Variants in ELL observed in about 807,000 individuals in gnomAD.
ELL encodes the protein RNA polymerase II elongation factor ELL.
A neutral mutation model predicts 64.0 loss-of-function variants in ELL; 18 were observed. The ratio of observed to expected loss-of-function variants is 0.28; its 90% CI spans 0.19 to 0.42. ELL has a LOEUF of 0.42. Ranked by LOEUF, ELL falls within the 10% of genes least tolerant of loss-of-function variation. The pLI, the probability that ELL is intolerant of heterozygous loss-of-function variation, is 1.00. For synonymous variants in ELL, 399 were observed against 376.2 expected, an observed-to-expected ratio of 1.06 and a Z score of -0.70; for missense variants, 797 against 870.4, an observed-to-expected ratio of 0.92 and a Z score of 1.06.
chr19:18,481,010 G>A (rs1378321571), intron 1 of ELL, among the ~76,000 whole-genome samples: 2 of 152,170 alleles, frequency 1.3e-5, no homozygotes, highest in Non-Finnish European at 2.9e-5. Flanking sequence ...AAATCTTGTA[G>A]ACAAAAATAT....
chr19:18,455,456 C>T (rs1226378144), intron 6 of ELL, among the ~76,000 whole-genome samples: 1 of 150,618 alleles, frequency 6.6e-6, no homozygotes, highest in Non-Finnish European at 1.5e-5. Context: ...TGCCACTGCA[C>T]TCCAGCCTGC....
At chr19:18,515,582 C>A (rs1976109712) in intron 1 of ELL, among the ~76,000 whole-genome samples, 1 of 152,258 alleles carries the variant, frequency 6.6e-6, no homozygotes, top group South Asian at 2.1e-4. Context: ...ACAGCCAGCA[C>A]TGGCGGGGTG....
chr19:18,489,251 C>G (rs560401191), intron 1 of ELL, among the ~76,000 whole-genome samples: 2 of 152,172 alleles, frequency 1.3e-5, no homozygotes, highest in African/African-American at 4.8e-5. Flanking sequence ...CAGGTGTGAG[C>G]GAGGGGGCGT....
intron 6 of ELL, among the ~76,000 whole-genome samples, chr19:18,453,438 G>GACACTGGCTACTCTGGGC (rs1974584051): frequency 6.6e-6 from 1 of 152,164 alleles, no homozygotes; most frequent in African/African-American, 2.4e-5. Context: ...AAAACAACGA[G>GACACTGGCTACTCTGGGC]ACACTGGCTA....
At chr19:18,465,195 C>G (rs1485285947) in intron 4 of ELL, among the ~76,000 whole-genome samples, 1 of 152,230 alleles carries the variant, frequency 6.6e-6, no homozygotes. Context: ...ATAACCCAAC[C>G]CCCTATCCCT....
At chr19:18,519,466 GA>G (rs1406053172) in intron 1 of ELL, among the ~76,000 whole-genome samples, 2 of 152,158 alleles carry the variant, frequency 1.3e-5, no homozygotes, top group Non-Finnish European at 1.5e-5. Flanking sequence ...CCGTGCCTTA[GA>G]AAAGTCCATC....
At chr19:18,483,673 A>G (rs1975353711) in intron 1 of ELL, among the ~76,000 whole-genome samples, 1 of 152,216 alleles carries the variant, frequency 6.6e-6, no homozygotes, top group South Asian at 2.1e-4. Flanking sequence ...TGGGGTCCCC[A>G]TGAAGATTTC....
At chr19:18,512,635 C>T (rs984741027) in intron 1 of ELL, among the ~76,000 whole-genome samples, 20 of 152,302 alleles carry the variant, frequency 1.3e-4, no homozygotes, top group South Asian at 8.3e-4. Context: ...CAATAAAACC[C>T]TAACAGCAGA....
intron 1 of ELL, among the ~76,000 whole-genome samples, chr19:18,504,108 T>A (rs980601485): frequency 2.6e-5 from 4 of 152,076 alleles, no homozygotes; most frequent in Non-Finnish European, 5.9e-5. Flanking sequence ...GATGCAGGGG[T>A]CAACTGTGCT....
intron 7 of ELL, 61 bp downstream of exon 7, chr19:18,451,491 G>A: frequency 7.6e-7 from 1 of 1,324,204 alleles, no homozygotes; most frequent in Non-Finnish European, 9.9e-7. Flanking sequence ...AAGGGTTACT[G>A]ATGCAGCACA....
intron 1 of ELL, among the ~76,000 whole-genome samples, chr19:18,477,772 G>A (rs1398313093): frequency 1.3e-5 from 2 of 152,218 alleles, no homozygotes; most frequent in African/African-American, 2.4e-5. Context: ...TTCAGAAGGA[G>A]GGAGAGTGAC....
intron 1 of ELL, among the ~76,000 whole-genome samples, chr19:18,511,423 A>G (rs1976020370): frequency 6.6e-6 from 1 of 152,112 alleles, no homozygotes; most frequent in Non-Finnish European, 1.5e-5. Context: ...CAACAGGTCT[A>G]CTTCTGGGTA....
intron 1 of ELL, among the ~76,000 whole-genome samples, chr19:18,475,159 G>C (rs1259120830): frequency 6.6e-6 from 1 of 152,158 alleles, no homozygotes; most frequent in South Asian, 2.1e-4. Flanking sequence ...GTTAAACACA[G>C]ACATGAAAAA....
In ELL at chr19:18,501,271, T is replaced by A. The variant is rs559676975; in HGVS notation, c.135+20650A>T. On this transcript the variant is annotated intron_variant, in intron 1 of 11. Transcript: ENST00000262809. This position sits in a 1 kb window ranked among gnomAD's most constrained non-coding sequence, Gnocchi z 4.5. ...CATGGACCACAGAGAGTAACGCAAG[T>A]GGGCAAAACACATGAGAAGCCACCA... Among the ~76,000 whole-genome samples the A allele has an allele frequency of 2.7e-5, 4 of 148,544 alleles. No homozygotes were observed. The highest frequency in any genetic ancestry group is 2.2e-4 in the South Asian group (1 of 4,620).
intron 1 of ELL, among the ~76,000 whole-genome samples, chr19:18,496,970 C>T (rs11670392): frequency 0.21 from 31,945 of 152,128 alleles, 3,446 homozygotes; most frequent in Admixed American, 0.25. Flanking sequence ...CAAAATGGTG[C>T]GGCCTCAACA....
intron 1 of ELL, among the ~76,000 whole-genome samples, chr19:18,520,722 C>A (rs1976249333): frequency 6.7e-6 from 1 of 149,034 alleles, no homozygotes; most frequent in Non-Finnish European, 1.5e-5. Context: ...ACCCCCCCAC[C>A]CCCACCATCA....
intron 1 of ELL, among the ~76,000 whole-genome samples, chr19:18,492,654 G>C (rs1420582604): frequency 1.3e-5 from 2 of 152,176 alleles, no homozygotes; most frequent in African/African-American, 4.8e-5. Context: ...ACACACAAGT[G>C]TGCCCTCTCC....
At chr19:18,489,964 C>T (rs562767796) in intron 1 of ELL, among the ~76,000 whole-genome samples, 4 of 152,164 alleles carry the variant, frequency 2.6e-5, no homozygotes, top group African/African-American at 9.7e-5. Flanking sequence ...AGATATGGAG[C>T]TGGCCCTGAC....
chr19:18,478,226 C>T (rs1331523041), intron 1 of ELL, among the ~76,000 whole-genome samples: 1 of 152,208 alleles, frequency 6.6e-6, no homozygotes, highest in East Asian at 1.9e-4. Context: ...TCAGGGGGGC[C>T]AAGCGCCTCG....
Sources: allele counts gnomAD v4.1 joint callset (sites outside exome capture counted in the v4.1 genomes callset), GRCh38; gene constraint gnomAD v4.1.1; non-coding constraint Gnocchi (gnomAD v3.1); transcripts MANE v1.5; gene names NCBI Gene and HGNC (gene_info 2026-07-23, HGNC 2026-07-21).